Variants in AKAIN1 observed in about 807,000 individuals in gnomAD.
The protein encoded by AKAIN1 is A-kinase anchor protein inhibitor 1.
Under a neutral mutation model 3.7 loss-of-function variants are expected in AKAIN1, and 3 were observed. The ratio of observed to expected loss-of-function variants is 0.82; its 90% CI spans 0.37 to 2.12. The LOEUF (loss-of-function observed/expected upper bound fraction) is 2.12. AKAIN1 is among the 30% of genes most tolerant of loss of function. AKAIN1 has a pLI of 0.06. For synonymous variants in AKAIN1, 31 were observed against 30.8 expected (o/e 1.01, Z -0.02); for missense variants, 82 against 82.7 (o/e 0.99, Z 0.03).
intron 1 of AKAIN1, among the ~76,000 whole-genome samples, chr18:5,158,075 G>A (rs1422046719): frequency 6.6e-6 from 1 of 152,168 alleles, no homozygotes. Flanking sequence ...GCCCTCACAA[G>A]GTTGTTGCAG....
At chr18:5,185,807 T>C (rs1006530941) in intron 1 of AKAIN1, among the ~76,000 whole-genome samples, 1 of 151,782 alleles carries the variant, frequency 6.6e-6, no homozygotes, top group Non-Finnish European at 1.5e-5. Context: ...AACTTATTTG[T>C]CCCAGCAATC....
At chr18:5,163,344 C>A (rs1378793862) in intron 1 of AKAIN1, among the ~76,000 whole-genome samples, 1 of 151,974 alleles carries the variant, frequency 6.6e-6, no homozygotes, top group African/African-American at 2.4e-5. Flanking sequence ...CTTATCTATC[C>A]CCTCTCCAGG....
chr18:5,196,963 T>A (rs1166956125), intron 1 of AKAIN1, 75 bp downstream of exon 1: 1 of 1,330,162 alleles, frequency 7.5e-7, no homozygotes, highest in Non-Finnish European at 1.1e-6. Flanking sequence ...TAAAGAGGCC[T>A]TTTTTCCCTC....
chr18:5,157,276 A>G (rs2071113623), intron 1 of AKAIN1, among the ~76,000 whole-genome samples: 1 of 152,230 alleles, frequency 6.6e-6, no homozygotes, highest in Non-Finnish European at 1.5e-5. Flanking sequence ...GAAAGCAAGG[A>G]GCTGGTGTCC....
intron 1 of AKAIN1, among the ~76,000 whole-genome samples, chr18:5,154,770 C>A (rs1345623037): frequency 6.6e-6 from 1 of 152,078 alleles, no homozygotes; most frequent in Non-Finnish European, 1.5e-5. Context: ...AGTCAATCAA[C>A]TGATGCTGCC....
intron 1 of AKAIN1, among the ~76,000 whole-genome samples, chr18:5,147,858 A>G (rs1427417304): frequency 6.6e-6 from 1 of 152,216 alleles, no homozygotes; most frequent in Non-Finnish European, 1.5e-5. Context: ...GAAGCTGTGA[A>G]GTGACCAAGA....
Position 5,143,544 on chromosome 18 carries a change from C to T in AKAIN1, c.*2018G>A, listed in dbSNP as rs978060290. The stretch of plus-strand genomic sequence containing the variant: ...TCCTCACACAGTCACAGTGAAGGGC[C>T]CATTAAGGAAGCACTTCCCCTGGTC... On this transcript the variant is annotated 3_prime_UTR_variant, in exon 2 of 2. Coordinates refer to ENST00000434239, the MANE Select transcript of AKAIN1 (RefSeq NM_001145194.2). 2.0e-4 allele frequency among the ~76,000 whole-genome samples: 30 copies of T among 152,108 alleles called. No homozygotes were observed. Among genetic ancestry groups the T allele is most frequent in the Admixed American group, 2.0e-3 (30 of 15,268 alleles).
intron 1 of AKAIN1, among the ~76,000 whole-genome samples, chr18:5,195,136 T>C (rs1337398224): frequency 1.6e-5 from 2 of 127,674 alleles, no homozygotes; most frequent in Non-Finnish European, 3.4e-5. Context: ...ACCCCAAAAT[T>C]GAAGAAGTGA....
intron 1 of AKAIN1, among the ~76,000 whole-genome samples, chr18:5,152,629 T>G (rs898878598): frequency 6.6e-6 from 1 of 152,144 alleles, no homozygotes; most frequent in Non-Finnish European, 1.5e-5. Context: ...CAAAGGGAAC[T>G]CATCTAATTT....
chr18:5,145,747 G>A lies in AKAIN1; in HGVS notation c.25C>T (p.Pro9Ser), dbSNP rs2143301705. The change falls in exon 2 of 2, where the codon CCT becomes TCT. Residue 9 changes from proline to serine, a missense_variant. By Grantham distance (74) the Pro-to-Ser change is moderately conservative. Transcript: ENST00000434239. ...TTCACCTCTTCAGGCTCATTTCCAGGTTTCTCACCTAGCCAAAAACATGAA... is the reference window on the plus strand; with the variant it reads ...TTCACCTCTTCAGGCTCATTTCCAGATTTCTCACCTAGCCAAAAACATGAA... MVFAPGEK[P>S]GNEPEEVKLQ... The A allele has an allele frequency of 6.5e-7, 1 of 1,549,230 alleles. No individual in the cohort carries two copies. The highest frequency in any genetic ancestry group is 8.7e-7 in the Non-Finnish European group (1 of 1,145,120).
At chr18:5,149,460 T>C (rs1567870900) in intron 1 of AKAIN1, among the ~76,000 whole-genome samples, 1 of 152,152 alleles carries the variant, frequency 6.6e-6, no homozygotes, top group Non-Finnish European at 1.5e-5. Context: ...CAGCTGAGCT[T>C]CATATTACAA....
At chr18:5,182,491 A>AT (rs149117573) in intron 1 of AKAIN1, among the ~76,000 whole-genome samples, 2,346 of 152,210 alleles carry the variant, frequency 0.015, 46 homozygotes, top group African/African-American at 0.053. Flanking sequence ...AATTTACCCA[A>AT]TGCCACTAAA....
upstream of AKAIN1, chr18:5,197,477 T>G: frequency 8.5e-7 from 1 of 1,180,900 alleles, no homozygotes; most frequent in Non-Finnish European, 1.1e-6. The surrounding 1 kb of genome is among the most constrained non-coding windows in gnomAD (Gnocchi z 6.9). Context: ...GCCGTGGATA[T>G]TGGACTGACA....
intron 1 of AKAIN1, among the ~76,000 whole-genome samples, chr18:5,175,689 G>A (rs559197782): frequency 4.6e-5 from 7 of 152,200 alleles, no homozygotes; most frequent in African/African-American, 1.4e-4. Context: ...AACCATGTAC[G>A]AGCTATGAAA....
intron 1 of AKAIN1, 21 bp from the exon 2 acceptor site, chr18:5,145,776 G>A: frequency 6.5e-7 from 1 of 1,541,720 alleles, no homozygotes; most frequent in Non-Finnish European, 8.8e-7. Flanking sequence ...ACATGAAAAG[G>A]AGGGGAAAAG....
In AKAIN1 at chr18:5,197,233, C is replaced by T; in HGVS notation, c.-180G>A. ...GATCCTGGGGCCGCAGCTCCAGCCG[C>T]CGCCGCGCGCTCTGCCTCCACAATG... On this transcript the variant is annotated 5_prime_UTR_variant, in exon 1 of 2. Transcript: ENST00000434239. The surrounding 1 kb of genome is among the most constrained non-coding windows in gnomAD (Gnocchi z 6.9). 1.4e-6 allele frequency: 2 copies of T among 1,386,112 alleles called. No homozygotes were observed. Among genetic ancestry groups the T allele is most frequent in the Non-Finnish European group, 1.9e-6 (2 of 1,081,036 alleles). 85.9% of individuals were successfully genotyped at this position (1,386,112 alleles called of 1,614,324 possible).
intron 1 of AKAIN1, among the ~76,000 whole-genome samples, chr18:5,155,272 G>A (rs1183311937): frequency 2.0e-5 from 3 of 152,152 alleles, no homozygotes; most frequent in African/African-American, 7.2e-5. Flanking sequence ...TGCATCCTGT[G>A]CTTCATCTTT....
At chr18:5,177,506 G>A (rs1344693098) in intron 1 of AKAIN1, among the ~76,000 whole-genome samples, 1 of 150,532 alleles carries the variant, frequency 6.6e-6, no homozygotes, top group African/African-American at 2.5e-5. Flanking sequence ...ATATATATAT[G>A]CATACATATG....
At chr18:5,173,010 T>C (rs1187574671) in intron 1 of AKAIN1, among the ~76,000 whole-genome samples, 1 of 152,138 alleles carries the variant, frequency 6.6e-6, no homozygotes, top group Non-Finnish European at 1.5e-5. Flanking sequence ...AAATATTTAT[T>C]TCACAGTTGG....
Sources: gnomAD v4.1 joint callset for allele counts (sites outside exome capture counted in the v4.1 genomes callset) on GRCh38, gnomAD v4.1.1 for gene constraint, Gnocchi (gnomAD v3.1) non-coding constraint, MANE v1.5 for transcripts, NCBI Gene and HGNC (gene_info 2026-07-23, HGNC 2026-07-21) for gene names.